DTNBP1: variants seen among roughly 807,000 people sequenced by gnomAD.
DTNBP1 encodes the protein dysbindin.
A neutral mutation model predicts 42.8 loss-of-function variants in DTNBP1; 35 were observed. The ratio of observed to expected loss-of-function variants is 0.82; its 90% CI spans 0.63 to 1.09. The LOEUF (loss-of-function observed/expected upper bound fraction) is 1.09. Ranked by LOEUF, DTNBP1 falls within the 50% of genes least tolerant of loss-of-function variation. The pLI, the probability that DTNBP1 is intolerant of heterozygous loss-of-function variation, is 0.00. For synonymous variants in DTNBP1, 171 were observed against 162.2 expected (o/e 1.05, Z -0.41); for missense variants, 457 against 424.2 (o/e 1.08, Z -0.68).
In DTNBP1 at chr6:15,622,232, A is replaced by C. The variant is rs568964348; in HGVS notation, c.355+5111T>G. On this transcript the variant is annotated intron_variant, in intron 5 of 9. Transcript: ENST00000344537. ...ATGAGCAGAGAACTTAGAAAACATT[A>C]AACAACATGATGATACTTTTAGTAT... Among the ~76,000 whole-genome samples the C allele has an allele frequency of 2.6e-5, 4 of 152,350 alleles. No individual in the cohort carries two copies. In the South Asian group the frequency reaches 8.3e-4, roughly 32 times the overall value.
At chr6:15,651,168 G>A in intron 3 of DTNBP1, 145 bp downstream of exon 3, 1 of 791,490 alleles carries the variant, frequency 1.3e-6, no homozygotes, top group East Asian at 2.5e-5. Context: ...AAGCCCTCAA[G>A]GAAAATAATA....
rs1759223633 is a variant in DTNBP1 at position 15,624,452 on chromosome 6, A to G, written c.355+2891T>C. ...GTAACTTAACAATTCCCAAGGGGCT[A>G]GGTACCAGGAGCCATATTAATGAAG... On this transcript the variant is annotated intron_variant, in intron 5 of 9. Transcript: ENST00000344537. 2.0e-5 allele frequency among the ~76,000 whole-genome samples: 3 copies of G among 152,354 alleles called. No homozygotes were observed. The South Asian group carries it at 6.2e-4, about 32-fold the overall frequency.
intron 7 of DTNBP1, among the ~76,000 whole-genome samples, chr6:15,569,548 C>A (rs547223809): frequency 2.0e-5 from 3 of 152,114 alleles, no homozygotes. Flanking sequence ...CCTCTTTCAG[C>A]TGCTCTATAA....
chr6:15,619,401 G>A (rs1758912528), intron 5 of DTNBP1, among the ~76,000 whole-genome samples: 1 of 151,942 alleles, frequency 6.6e-6, no homozygotes, highest in African/African-American at 2.4e-5. Context: ...TTTTTTAAAA[G>A]AAAAGAAACT....
intron 7 of DTNBP1, chr6:15,546,060 G>GTTTT (rs376252300): frequency 1.1e-5 from 4 of 354,176 alleles, no homozygotes; most frequent in South Asian, 1.8e-5. Flanking sequence ...GTCACCTCCA[G>GTTTT]TTCTTTTTTT....
chr6:15,661,712 C>T (rs1341136033), intron 1 of DTNBP1, among the ~76,000 whole-genome samples: 1 of 152,168 alleles, frequency 6.6e-6, no homozygotes, highest in African/African-American at 2.4e-5. Context: ...ACATTCAGTG[C>T]ATCCTCCAAC....
At chr6:15,581,065 G>T (rs1775806983) in intron 7 of DTNBP1, among the ~76,000 whole-genome samples, 1 of 152,194 alleles carries the variant, frequency 6.6e-6, no homozygotes, top group Non-Finnish European at 1.5e-5. Flanking sequence ...ACACCTTCAG[G>T]ACTGCTCATA....
chr6:15,599,210 T>G (rs1164349341), intron 6 of DTNBP1, among the ~76,000 whole-genome samples: 2 of 152,184 alleles, frequency 1.3e-5, no homozygotes, highest in Non-Finnish European at 2.9e-5. Context: ...GCAAGTAGGA[T>G]AAGGAAAGAT....
chr6:15,618,929 C>T lies in DTNBP1; in HGVS notation c.356-3530G>A, dbSNP rs539633355. Among the ~76,000 whole-genome samples, 360 of 152,282 alleles carry T rather than the reference C, an allele frequency of 2.4e-3. 3 individuals carry two copies. The highest frequency in any genetic ancestry group is 8.2e-3 in the African/African-American group (341 of 41,562). On this transcript the variant is annotated intron_variant, in intron 5 of 9. Transcript: ENST00000344537. ...ATTTAAGTACTATCATTCGCAGCAA[C>T]ATGGATAAGCCTCGAGGACATTATG... is the stretch of plus-strand genomic sequence containing the variant.
chr6:15,615,152 T>C, intron 6 of DTNBP1, 115 bp downstream of exon 6: 2 of 1,512,012 alleles, frequency 1.3e-6, no homozygotes, highest in Non-Finnish European at 1.8e-6. Context: ...TATTTATCAG[T>C]TTTATGTTGA....
chr6:15,654,626 G>A (rs902828259), intron 1 of DTNBP1, among the ~76,000 whole-genome samples: 5 of 150,798 alleles, frequency 3.3e-5, no homozygotes, highest in South Asian at 2.1e-4. Context: ...TCTCCTCCCC[G>A]CCACCGACAA....
chr6:15,637,748 C>A lies in DTNBP1; in HGVS notation c.218G>T (p.Gly73Val), dbSNP rs370162147. ...HRRAKDCASA[G>V]ELVDSEVVML... ...TAAGATTAGTCAATTCTTTACCTCT[C>A]CAGCACTTGCACAGTCTTTGGCTCT... Residue 73 changes from glycine to valine, a missense_variant, in exon 4 of 10, where the codon GGA becomes GTA. Physicochemically the swap from Gly to Val is moderately radical, Grantham distance 109 (BLOSUM62 -3). Transcript: ENST00000344537. The A allele has an allele frequency of 6.9e-5, 111 of 1,613,758 alleles. No individual in the cohort carries two copies. Among genetic ancestry groups the A allele is most frequent in the Non-Finnish European group, 9.0e-5 (106 of 1,179,998 alleles).
At chr6:15,598,266 G>A (rs1276445093) in intron 6 of DTNBP1, among the ~76,000 whole-genome samples, 1 of 152,154 alleles carries the variant, frequency 6.6e-6, no homozygotes. Context: ...AGCTCAGACT[G>A]AAGATGAAAA....
At position 15,530,504 on chromosome 6, in the gene DTNBP1, G is replaced by T. The variant is rs566620124; in HGVS notation, c.667+2736C>A. Among the ~76,000 whole-genome samples, 6 of 152,338 alleles carry T rather than the reference G, an allele frequency of 3.9e-5. No individual in the cohort carries two copies. The South Asian group carries it at 6.2e-4, about 16-fold the overall frequency. ...TTAACCACTTCATATTTCCTTGCAG[G>T]TATTTCCAGCAGGTATCTGCTAGAC... On this transcript the variant is annotated intron_variant, in intron 8 of 9. Coordinates refer to ENST00000344537, the MANE Select transcript of DTNBP1 (RefSeq NM_032122.5).
At chr6:15,578,558 G>C (rs964185593) in intron 7 of DTNBP1, among the ~76,000 whole-genome samples, 7 of 152,136 alleles carry the variant, frequency 4.6e-5, no homozygotes, top group African/African-American at 1.4e-4. Flanking sequence ...AGGAATTATT[G>C]CATAGTACTA....
At chr6:15,613,810 A>C (rs1758567221) in intron 6 of DTNBP1, among the ~76,000 whole-genome samples, 1 of 151,142 alleles carries the variant, frequency 6.6e-6, no homozygotes, top group African/African-American at 2.5e-5. Flanking sequence ...AGCTCTTCTG[A>C]AGCTCTTCCA....
intron 6 of DTNBP1, 34 bp from the exon 7 acceptor site, chr6:15,593,115 C>A: frequency 1.3e-6 from 2 of 1,539,976 alleles, no homozygotes; most frequent in Non-Finnish European, 1.8e-6. Context: ...CAAGACAATG[C>A]AAATTAAAAA....
chr6:15,554,719 C>T (rs773949635), intron 7 of DTNBP1, among the ~76,000 whole-genome samples: 31 of 152,194 alleles, frequency 2.0e-4, no homozygotes, highest in African/African-American at 6.0e-4. Flanking sequence ...ACACATGCAA[C>T]GGAGCTTCAT....
intron 7 of DTNBP1, among the ~76,000 whole-genome samples, chr6:15,561,772 G>A: frequency 6.6e-6 from 1 of 152,212 alleles, no homozygotes; most frequent in Admixed American, 6.5e-5. Flanking sequence ...TAGGAGGTTA[G>A]CAGAACTGGT....
Sources: allele counts gnomAD v4.1 joint callset (sites outside exome capture counted in the v4.1 genomes callset), GRCh38; gene constraint gnomAD v4.1.1; transcripts MANE v1.5; gene names NCBI Gene and HGNC (gene_info 2026-07-23, HGNC 2026-07-21).